Variants in SEMA3E observed in about 807,000 individuals in gnomAD.
The protein encoded by SEMA3E is semaphorin 3E, also known as semaphorin-3E.
SEMA3E carries 49 observed loss-of-function variants against 93.6 expected under a neutral mutation model. The ratio of observed to expected loss-of-function variants is 0.52; its 90% CI spans 0.42 to 0.66. The LOEUF (loss-of-function observed/expected upper bound fraction) is 0.66. Among genes scored for constraint, SEMA3E ranks in the 30% least tolerant of loss-of-function variants. The pLI is 0.00. For missense variants in SEMA3E, 906 were observed against 964.8 expected (o/e 0.94, Z 0.81); for synonymous variants, 363 against 330.7 (o/e 1.10, Z -1.06).
In SEMA3E at chr7:83,381,250, A is replaced by C. The variant is rs539938856; in HGVS notation, c.1875+4044T>G. On this transcript the variant is annotated intron_variant, in intron 16 of 16. Coordinates refer to ENST00000643230, the MANE Select transcript of SEMA3E (RefSeq NM_012431.3). Reference sequence around the variant, plus strand: ...CCTGCGTGAGCTTTTCCTTGACCTCACCTCTCTGGTTCATGGTCTATTAGT... The same window carrying C: ...CCTGCGTGAGCTTTTCCTTGACCTCCCCTCTCTGGTTCATGGTCTATTAGT... Among the ~76,000 whole-genome samples the C allele has an allele frequency of 1.8e-4, 28 of 151,946 alleles. No homozygotes were observed. The East Asian group carries it at 5.4e-3, about 29-fold the overall frequency.
chr7:83,530,824 G>A (rs1054695232), intron 1 of SEMA3E, among the ~76,000 whole-genome samples: 2 of 152,056 alleles, frequency 1.3e-5, no homozygotes, highest in African/African-American at 4.8e-5. Flanking sequence ...GCTGCAGTGA[G>A]CCAAGATTGC....
intron 5 of SEMA3E, among the ~76,000 whole-genome samples, chr7:83,409,270 C>A (rs1788389806): frequency 6.6e-6 from 1 of 152,028 alleles, no homozygotes; most frequent in African/African-American, 2.4e-5. Context: ...ACTTGAACTC[C>A]AGGAAGATCA....
At chr7:83,408,237 G>A (rs1163690825) in intron 6 of SEMA3E, 131 bp downstream of exon 6, 19 of 969,386 alleles carry the variant, frequency 2.0e-5, no homozygotes. Context: ...CAAGAATGTT[G>A]CTAGTAAAAC....
At chr7:83,417,708 GC>G (rs1788581427) in intron 5 of SEMA3E, among the ~76,000 whole-genome samples, 1 of 152,012 alleles carries the variant, frequency 6.6e-6, no homozygotes, top group African/African-American at 2.4e-5. Context: ...GAAATAGTTT[GC>G]CAAGTTTGCA....
chr7:83,405,907 C>T, intron 8 of SEMA3E, 38 bp downstream of exon 8: 2 of 1,437,470 alleles, frequency 1.4e-6, no homozygotes, highest in Non-Finnish European at 2.0e-6. Flanking sequence ...GAAGCATATA[C>T]ATAAAAGAGC....
chr7:83,576,176 A>G (rs549510617), intron 1 of SEMA3E, among the ~76,000 whole-genome samples: 36 of 152,332 alleles, frequency 2.4e-4, no homozygotes, highest in South Asian at 1.7e-3. Flanking sequence ...GCATCTTGTT[A>G]AAATAATTTG....
intron 1 of SEMA3E, among the ~76,000 whole-genome samples, chr7:83,590,464 T>C (rs1375546692): frequency 1.3e-5 from 2 of 152,078 alleles, no homozygotes; most frequent in South Asian, 2.1e-4. Flanking sequence ...AGAACCCCTA[T>C]TTTGTCTGAG....
At chr7:83,531,728 TA>T (rs1224726084) in intron 1 of SEMA3E, among the ~76,000 whole-genome samples, 3 of 152,158 alleles carry the variant, frequency 2.0e-5, no homozygotes, top group African/African-American at 7.2e-5. Flanking sequence ...TTAACTTATC[TA>T]AAGTTTATTT....
chr7:83,570,646 C>T (rs1037274521), intron 1 of SEMA3E, among the ~76,000 whole-genome samples: 2 of 149,374 alleles, frequency 1.3e-5, no homozygotes, highest in Non-Finnish European at 3.0e-5. Flanking sequence ...AGAAACCAAG[C>T]CCGAAGTTAG....
At chr7:83,520,869 A>C (rs78952408) in intron 1 of SEMA3E, among the ~76,000 whole-genome samples, 1,691 of 152,288 alleles carry the variant, frequency 0.011, 29 homozygotes, top group African/African-American at 0.039. Flanking sequence ...CTAGAGAATA[A>C]GCTGGAATAT....
At chr7:83,638,583 T>G (rs2115699867) in intron 1 of SEMA3E, among the ~76,000 whole-genome samples, 1 of 152,252 alleles carries the variant, frequency 6.6e-6, no homozygotes, top group Middle Eastern at 3.4e-3. Context: ...AATACAAAAA[T>G]ATGCAGATAA....
Position 83,465,954 on chromosome 7 carries a change from G to A in SEMA3E, c.456+528C>T, listed in dbSNP as rs1247634273. On this transcript the variant is annotated intron_variant, in intron 4 of 16. Transcript: ENST00000643230. ...TATCACCTAGTGGCAAAGTCTTAGC[G>A]GAAGAGATGTATAACTGGCACCAAG... is the stretch of plus-strand genomic sequence containing the variant. Among the ~76,000 whole-genome samples the A allele has an allele frequency of 3.9e-5, 6 of 152,220 alleles. No individual in the cohort carries two copies. The South Asian group carries it at 6.2e-4, about 16-fold the overall frequency.
At chr7:83,563,973 C>A (rs138731883) in intron 1 of SEMA3E, among the ~76,000 whole-genome samples, 153 of 152,192 alleles carry the variant, frequency 1.0e-3, no homozygotes, top group African/African-American at 3.4e-3. Context: ...GACCATTTCT[C>A]CATTTCTCAG....
chr7:83,562,464 TTTTA>T (rs149261610), intron 1 of SEMA3E, among the ~76,000 whole-genome samples: 439 of 141,080 alleles, frequency 3.1e-3, no homozygotes, highest in African/African-American at 6.9e-3. Flanking sequence ...TGAACTTCCT[TTTTA>T]TTTATTTATT....
chr7:83,564,028 T>G (rs1184909174), intron 1 of SEMA3E, among the ~76,000 whole-genome samples: 1 of 152,178 alleles, frequency 6.6e-6, no homozygotes, highest in Non-Finnish European at 1.5e-5. Context: ...AAATAAGAGC[T>G]GTCAAACTTC....
chr7:83,380,013 C>T (rs1247528958), intron 16 of SEMA3E, among the ~76,000 whole-genome samples: 1 of 151,798 alleles, frequency 6.6e-6, no homozygotes, highest in Non-Finnish European at 1.5e-5. Flanking sequence ...CACTGATACA[C>T]AGCAGGACAG....
intron 1 of SEMA3E, among the ~76,000 whole-genome samples, chr7:83,588,931 G>A (rs1480341241): frequency 6.6e-6 from 1 of 152,110 alleles, no homozygotes; most frequent in Non-Finnish European, 1.5e-5. Context: ...AGGCTGAAAA[G>A]CTCTTGAGTC....
intron 12 of SEMA3E, 41 bp downstream of exon 12, chr7:83,396,597 T>C: frequency 8.4e-7 from 1 of 1,190,884 alleles, no homozygotes; most frequent in Non-Finnish European, 1.3e-6. Flanking sequence ...CACTTGTAGT[T>C]GTAATGCATA....
At chr7:83,403,256 A>T (rs2722977) in intron 9 of SEMA3E, among the ~76,000 whole-genome samples, 2 of 151,814 alleles carry the variant, frequency 1.3e-5, no homozygotes, top group African/African-American at 4.8e-5. Flanking sequence ...ACTTAAAGAA[A>T]AATTTAAAGT....
Sources: gnomAD v4.1 joint callset for allele counts (sites outside exome capture counted in the v4.1 genomes callset) on GRCh38, gnomAD v4.1.1 for gene constraint, MANE v1.5 for transcripts, NCBI Gene and HGNC (gene_info 2026-07-23, HGNC 2026-07-21) for gene names.